The following JAKMIP2 variants were observed in gnomAD, a reference collection of about 807,000 sequenced individuals.
The protein encoded by JAKMIP2 is janus kinase and microtubule-interacting protein 2.
In JAKMIP2, 25 loss-of-function variants were observed where a neutral mutation model predicts 115.0. That is an observed-to-expected ratio of 0.22 (90% CI 0.16 to 0.30). The LOEUF is 0.30. JAKMIP2 is among the 10% of genes least tolerant of loss of function. The probability of loss-of-function intolerance (pLI) is 1.00; values close to 1 mark genes in which losing one functional copy is unlikely to be tolerated. For synonymous variants in JAKMIP2, 334 were observed against 343.6 expected (o/e 0.97, Z 0.31); for missense variants, 642 against 957.6 (o/e 0.67, Z 4.35).
At chr5:147,750,811 A>G (rs78358290) in intron 1 of JAKMIP2, among the ~76,000 whole-genome samples, 1 of 152,042 alleles carries the variant, frequency 6.6e-6, no homozygotes, top group East Asian at 1.9e-4. Flanking sequence ...AACACCAGAG[A>G]TCTCTCTCCT....
chr5:147,699,008 A>G (rs1426504756), intron 1 of JAKMIP2, among the ~76,000 whole-genome samples: 4 of 152,176 alleles, frequency 2.6e-5, no homozygotes, highest in South Asian at 2.1e-4. Context: ...ATTTGGCCAT[A>G]TAAGATCTAT....
chr5:147,593,669 G>A (rs538859054), intron 21 of JAKMIP2, among the ~76,000 whole-genome samples: 5 of 152,156 alleles, frequency 3.3e-5, no homozygotes, highest in Non-Finnish European at 5.9e-5. Flanking sequence ...CTGAGAAGTT[G>A]GGGGACCAAC....
At chr5:147,663,615 C>T (rs1355311996) in intron 2 of JAKMIP2, among the ~76,000 whole-genome samples, 1 of 152,154 alleles carries the variant, frequency 6.6e-6, no homozygotes, top group African/African-American at 2.4e-5. Context: ...CTAGAGAACC[C>T]TAATATACAG....
intron 1 of JAKMIP2, among the ~76,000 whole-genome samples, chr5:147,737,685 G>A (rs949622866): frequency 2.0e-5 from 3 of 152,120 alleles, no homozygotes; most frequent in African/African-American, 4.8e-5. Context: ...GCAATATATC[G>A]ATATACTTAT....
chr5:147,649,262 A>T (rs917188086), intron 4 of JAKMIP2, among the ~76,000 whole-genome samples: 1 of 152,224 alleles, frequency 6.6e-6, no homozygotes, highest in Non-Finnish European at 1.5e-5. Context: ...TCAGTAGAAC[A>T]GGTAAAATTC....
At chr5:147,680,271 G>A (rs933249566) in intron 1 of JAKMIP2, among the ~76,000 whole-genome samples, 1 of 152,142 alleles carries the variant, frequency 6.6e-6, no homozygotes, top group Non-Finnish European at 1.5e-5. Flanking sequence ...AAAAGGACAG[G>A]GTAGAGAAAG....
chr5:147,654,209 A>G (rs1758552449), intron 3 of JAKMIP2, among the ~76,000 whole-genome samples: 1 of 148,946 alleles, frequency 6.7e-6, no homozygotes, highest in Non-Finnish European at 1.5e-5. Context: ...TTTTGGTTCC[A>G]TATGAAATTT....
At chr5:147,777,207 T>C (rs1561589498) in intron 1 of JAKMIP2, among the ~76,000 whole-genome samples, 1 of 152,162 alleles carries the variant, frequency 6.6e-6, no homozygotes, top group African/African-American at 2.4e-5. Context: ...ACAGAGTTCA[T>C]ATTTCCTGAA....
chr5:147,772,321 T>C (rs941259912), intron 1 of JAKMIP2, among the ~76,000 whole-genome samples: 6 of 152,108 alleles, frequency 3.9e-5, no homozygotes, highest in African/African-American at 1.4e-4. Flanking sequence ...AGATAATTCA[T>C]TTTTAGCAAA....
At position 147,661,427 on chromosome 5, in the gene JAKMIP2, C is replaced by G; in HGVS notation, c.148G>C (p.Glu50Gln). The change falls in exon 3 of 22, where the codon GAG becomes CAG. Residue 50 changes from glutamate (E) to glutamine (Q), a missense_variant. Glu to Gln is a conservative substitution (Grantham distance 29). Transcript: ENST00000616793. ...ATCCTCTTCGCTTCTTGAGTCTTCT[C>G]TCTTTCAAGCTTTGATACCTAAAAA... is the stretch of plus-strand genomic sequence containing the variant. Reference protein sequence around the residue: ...EKSKVSKLEREKTQEAKRIRE... With the variant: ...EKSKVSKLERQKTQEAKRIRE... 6.2e-7 allele frequency: 1 copy of G among 1,611,062 alleles called. No homozygotes were observed. The highest frequency in any genetic ancestry group is 8.5e-7 in the Non-Finnish European group (1 of 1,179,024).
chr5:147,657,285 A>AAACAC (rs1287019985), intron 3 of JAKMIP2, among the ~76,000 whole-genome samples: 1 of 152,104 alleles, frequency 6.6e-6, no homozygotes, highest in Non-Finnish European at 1.5e-5. Flanking sequence ...GTCTCAAACA[A>AAACAC]AACAAAACAA....
chr5:147,740,650 A>G (rs927496198), intron 1 of JAKMIP2, among the ~76,000 whole-genome samples: 4 of 152,182 alleles, frequency 2.6e-5, no homozygotes, highest in Non-Finnish European at 5.9e-5. Context: ...TTTGTCTTGA[A>G]TGCTCTTCTC....
chr5:147,669,851 C>G (rs1208039272), intron 2 of JAKMIP2, among the ~76,000 whole-genome samples: 1 of 152,190 alleles, frequency 6.6e-6, no homozygotes, highest in Non-Finnish European at 1.5e-5. Flanking sequence ...AGTCCTGGTT[C>G]TCACCTCACT....
chr5:147,597,691 T>G (rs1250305675), intron 21 of JAKMIP2, among the ~76,000 whole-genome samples: 1 of 152,246 alleles, frequency 6.6e-6, no homozygotes, highest in Admixed American at 6.5e-5. Flanking sequence ...TTTGTATTCC[T>G]CTAATTTTTT....
Position 147,591,442 on chromosome 5 carries a change from C to G in JAKMIP2, c.*265G>C, listed in dbSNP as rs1313429054. On this transcript the variant is annotated 3_prime_UTR_variant, in exon 22 of 22. Coordinates refer to ENST00000616793, the MANE Select transcript of JAKMIP2 (RefSeq NM_001270941.2). ...TACACAATATATGTTTATAGTTCTT[C>G]TCTTCTGATTTGACATATACATGTT... The G allele has an allele frequency of 1.2e-5, 6 of 519,626 alleles. No individual in the cohort carries two copies. Among genetic ancestry groups the G allele is most frequent in the Non-Finnish European group, 2.1e-5 (6 of 291,596 alleles). The allele number at this position is 519,626 out of a possible 1,614,324, so 32.2% of individuals were successfully genotyped here.
chr5:147,768,938 T>C (rs990000441), intron 1 of JAKMIP2, among the ~76,000 whole-genome samples: 7 of 152,152 alleles, frequency 4.6e-5, no homozygotes, highest in African/African-American at 1.4e-4. Flanking sequence ...AGGATCCTGA[T>C]CTTTATCCCA....
intron 1 of JAKMIP2, among the ~76,000 whole-genome samples, chr5:147,679,364 T>C (rs953447230): frequency 1.3e-5 from 2 of 152,074 alleles, no homozygotes; most frequent in Non-Finnish European, 2.9e-5. Flanking sequence ...GTCAAGAAAA[T>C]ATGGCCACTA....
chr5:147,645,089 A>C, intron 5 of JAKMIP2, 93 bp from the exon 6 acceptor site: 1 of 1,183,142 alleles, frequency 8.5e-7, no homozygotes, highest in Non-Finnish European at 1.2e-6. Context: ...CTCTGGAGAC[A>C]GCCTTGTCTC....
chr5:147,709,484 T>TA (rs1752701067), intron 1 of JAKMIP2, among the ~76,000 whole-genome samples: 1 of 152,194 alleles, frequency 6.6e-6, no homozygotes. Context: ...TTAAGATATT[T>TA]AAAAAATGGA....
Sources: gnomAD v4.1 joint callset for allele counts (sites outside exome capture counted in the v4.1 genomes callset) on GRCh38, gnomAD v4.1.1 for gene constraint, MANE v1.5 for transcripts, NCBI Gene and HGNC (gene_info 2026-07-23, HGNC 2026-07-21) for gene names.